The following RSAD2 variants were observed in gnomAD, a reference collection of about 807,000 sequenced individuals.
RSAD2 encodes the protein radical S-adenosyl methionine domain containing 2.
RSAD2 carries 38 observed loss-of-function variants against 37.7 expected under a neutral mutation model. The observed-to-expected ratio is 1.01, with a 90% CI of 0.78 to 1.32. The LOEUF is 1.32. Among genes scored for constraint, RSAD2 ranks in the 40% most tolerant of loss-of-function variants. The pLI is 0.00. For synonymous variants in RSAD2, 163 were observed against 157.4 expected (o/e 1.04, Z -0.27); for missense variants, 428 against 437.5 (o/e 0.98, Z 0.19).
At chr2:6,882,718 A>G (rs550126738) in intron 1 of RSAD2, among the ~76,000 whole-genome samples, 37 of 152,308 alleles carry the variant, frequency 2.4e-4, no homozygotes, top group Admixed American at 3.9e-4. Context: ...ATTCCAAAAC[A>G]TTAGGAAGAA....
Position 6,896,018 on chromosome 2 carries a change from CCCGT to C in RSAD2, c.*77_*80del. The C allele has an allele frequency of 1.4e-6, 2 of 1,423,964 alleles. No individual in the cohort carries two copies. Among genetic ancestry groups the C allele is most frequent in the Non-Finnish European group, 1.9e-6 (2 of 1,042,494 alleles). 88.2% of individuals were successfully genotyped at this position (1,423,964 alleles called of 1,614,324 possible). A position where few individuals can be genotyped will look rare whatever the true frequency, so the allele number is the denominator to read the frequency against. ...TAACTGCCATTGTCTGCAATACTATCCCGTTGGTATTTCCCAGTGGCTGAAAACC... is the reference window on the plus strand; with the variant it reads ...TAACTGCCATTGTCTGCAATACTATCTGGTATTTCCCAGTGGCTGAAAACC... On this transcript the variant is annotated 3_prime_UTR_variant, in exon 6 of 6. Coordinates refer to ENST00000382040, the MANE Select transcript of RSAD2 (RefSeq NM_080657.5).
At chr2:6,891,278 A>G (rs765423770) in intron 4 of RSAD2, among the ~76,000 whole-genome samples, 2 of 152,216 alleles carry the variant, frequency 1.3e-5, no homozygotes, top group Admixed American at 6.5e-5. Context: ...AATATGAAGC[A>G]TAAAGTTGCA....
chr2:6,886,902 TA>T (rs1558336651), intron 2 of RSAD2, 32 bp from the exon 3 acceptor site: 2 of 1,548,672 alleles, frequency 1.3e-6, no homozygotes, highest in Non-Finnish European at 1.8e-6. Context: ...GGTCCTTGGA[TA>T]GAAAAGTTTA....
chr2:6,893,666 T>C lies in RSAD2; in HGVS notation c.889-5T>C. The C allele has an allele frequency of 1.2e-6, 2 of 1,607,000 alleles. No homozygotes were observed. Among genetic ancestry groups the C allele is most frequent in the Non-Finnish European group, 1.7e-6 (2 of 1,173,664 alleles). ...ACTAAATTTGTATTAACTTCTCCTT[T>C]GCAGATGAAAGACTCCTACCTTATT... is the stretch of plus-strand genomic sequence containing the variant. On this transcript the variant is annotated splice_polypyrimidine_tract_variant and splice_region_variant and intron_variant, in intron 4 of 5. Transcript: ENST00000382040.
chr2:6,893,721 G>A lies in RSAD2; in HGVS notation c.921+18G>A. 1.3e-6 allele frequency: 2 copies of A among 1,557,146 alleles called. No individual in the cohort carries two copies. Among genetic ancestry groups the A allele is most frequent in the Non-Finnish European group, 1.8e-6 (2 of 1,129,298 alleles). ...ATGAATATGTGAGTATTTCCAATGA[G>A]TTATAAAATTAAAACTTAATTAATT... On this transcript the variant is annotated intron_variant, in intron 5 of 5. Coordinates refer to ENST00000382040, the MANE Select transcript of RSAD2 (RefSeq NM_080657.5).
intron 1 of RSAD2, among the ~76,000 whole-genome samples, chr2:6,871,284 C>A (rs1167155506): frequency 6.6e-6 from 1 of 152,194 alleles, no homozygotes; most frequent in Non-Finnish European, 1.5e-5. Flanking sequence ...TCTTCTGCAC[C>A]TTTCTTCACC....
chr2:6,890,433 G>A (rs956571799), intron 4 of RSAD2, 108 bp downstream of exon 4: 26 of 1,232,556 alleles, frequency 2.1e-5, no homozygotes, highest in Admixed American at 1.3e-4. Context: ...TAGAGGGTTC[G>A]GTGGTGAGAA....
rs756890229 is a variant in RSAD2 at position 6,883,478 on chromosome 2, G to A, written c.454G>A (p.Val152Met). 43 of 1,614,030 alleles carry A rather than the reference G, an allele frequency of 2.7e-5. No homozygotes were observed. The highest frequency in any genetic ancestry group is 3.3e-4 in the Middle Eastern group (2 of 6,084). Residue 152 changes from valine to methionine, a missense_variant, in exon 2 of 6, where the codon GTG becomes ATG. Transcript: ENST00000382040. ...CAAAGTAGAGTTGCGGCTGCCCAGCGTGAGCATCGTGAGCAATGGAAGCCT... is the reference window on the plus strand; with the variant it reads ...CAAAGTAGAGTTGCGGCTGCCCAGCATGAGCATCGTGAGCAATGGAAGCCT... ...FCKVELRLPS[V>M]SIVSNGSLIR...
chr2:6,885,539 A>G (rs776058754), intron 2 of RSAD2, among the ~76,000 whole-genome samples: 4 of 152,192 alleles, frequency 2.6e-5, no homozygotes, highest in Non-Finnish European at 5.9e-5. Flanking sequence ...AGATTCCACC[A>G]TGGTTCCAGG....
chr2:6,878,763 T>C, intron 1 of RSAD2: 1 of 1,060,214 alleles, frequency 9.4e-7, no homozygotes, highest in Non-Finnish European at 1.2e-6. Context: ...TCGAATGCAA[T>C]ATCTTCCACT....
intron 1 of RSAD2, chr2:6,878,981 G>T (rs1291777285): frequency 1.9e-6 from 1 of 529,810 alleles, no homozygotes; most frequent in Non-Finnish European, 3.4e-6. Flanking sequence ...ATAGCCTGCA[G>T]ATTCAGAGAG....
chr2:6,882,429 C>T (rs954827192), intron 1 of RSAD2, among the ~76,000 whole-genome samples: 15 of 60,602 alleles, frequency 2.5e-4, no homozygotes, highest in African/African-American at 1.9e-4. Context: ...AATAGAAAGA[C>T]GAAAAGTTAA....
intron 2 of RSAD2, 108 bp from the exon 3 acceptor site, chr2:6,886,827 T>G (rs10197837): frequency 1.3e-6 from 1 of 760,358 alleles, no homozygotes; most frequent in Non-Finnish European, 2.1e-6. Context: ...TAAGGAAAAG[T>G]GTCTTTTTAA....
At chr2:6,887,924 C>CA (rs1663555038) in intron 3 of RSAD2, among the ~76,000 whole-genome samples, 1 of 152,116 alleles carries the variant, frequency 6.6e-6, no homozygotes, top group Admixed American at 6.5e-5. Context: ...CACAAACACA[C>CA]AAAAAGAGAT....
At chr2:6,872,657 G>T (rs79857916) in intron 1 of RSAD2, among the ~76,000 whole-genome samples, 1 of 152,138 alleles carries the variant, frequency 6.6e-6, no homozygotes, top group South Asian at 2.1e-4. Flanking sequence ...AGAGAAGAAA[G>T]TCTAAGCATG....
chr2:6,865,970 C>A, exon 1 of RSAD2: 4 of 1,053,752 alleles, frequency 3.8e-6, no homozygotes, highest in Non-Finnish European at 5.0e-6. Flanking sequence ...GTGCGCGGCT[C>A]CGCGGGCCTG....
intron 1 of RSAD2, among the ~76,000 whole-genome samples, chr2:6,869,021 A>G (rs1290115088): frequency 6.6e-6 from 1 of 152,184 alleles, no homozygotes; most frequent in Non-Finnish European, 1.5e-5. Context: ...TTTGGTTACT[A>G]TAGCTGGGCA....
intron 4 of RSAD2, among the ~76,000 whole-genome samples, chr2:6,891,790 T>A (rs1248876317): frequency 2.0e-5 from 3 of 150,328 alleles, no homozygotes; most frequent in Non-Finnish European, 3.0e-5. Context: ...ACAAAAAGAA[T>A]AATACCAAAA....
chr2:6,880,722 G>A (rs1193987690), intron 1 of RSAD2, among the ~76,000 whole-genome samples: 2 of 152,084 alleles, frequency 1.3e-5, no homozygotes, highest in African/African-American at 4.8e-5. Context: ...AAGGGAGCTG[G>A]AACTTAAAGT....
Sources: allele counts gnomAD v4.1 joint callset (sites outside exome capture counted in the v4.1 genomes callset), GRCh38; gene constraint gnomAD v4.1.1; transcripts MANE v1.5; gene names NCBI Gene and HGNC (gene_info 2026-07-23, HGNC 2026-07-21).